The following AKT3 variants were observed in gnomAD, a reference collection of about 807,000 sequenced individuals.
The protein encoded by AKT3 is RAC-gamma serine/threonine-protein kinase.
AKT3 carries 15 observed loss-of-function variants against 65.3 expected under a neutral mutation model. That is an observed-to-expected ratio of 0.23 (90% CI 0.15 to 0.35). The LOEUF is 0.35. Ranked by LOEUF, AKT3 falls within the 10% of genes least tolerant of loss-of-function variation. AKT3 has a pLI of 1.00. For synonymous variants in AKT3, 206 were observed against 183.8 expected (o/e 1.12, Z -0.98); for missense variants, 243 against 576.5 (o/e 0.42, Z 5.92).
chr1:243,648,278 A>G (rs1681002350), intron 4 of AKT3, among the ~76,000 whole-genome samples: 1 of 151,932 alleles, frequency 6.6e-6, no homozygotes, highest in Non-Finnish European at 1.5e-5. Flanking sequence ...AAAGAAAAGA[A>G]AAGAAAAAGA....
At chr1:243,739,175 T>G (rs955587525) in intron 2 of AKT3, among the ~76,000 whole-genome samples, 1 of 152,188 alleles carries the variant, frequency 6.6e-6, no homozygotes, top group Non-Finnish European at 1.5e-5. Context: ...CATGTAATTT[T>G]AAATTTTCTA....
intron 12 of AKT3, among the ~76,000 whole-genome samples, chr1:243,529,237 CT>C (rs1247982663): frequency 7.4e-6 from 1 of 134,876 alleles, no homozygotes; most frequent in African/African-American, 2.8e-5. Flanking sequence ...CAAATATTTT[CT>C]CCCATTCTGC....
At chr1:243,792,615 T>C (rs889620272) in intron 2 of AKT3, among the ~76,000 whole-genome samples, 1 of 152,148 alleles carries the variant, frequency 6.6e-6, no homozygotes, top group African/African-American at 2.4e-5. Context: ...GGAGTAGGAA[T>C]GCTTACAGCT....
intron 2 of AKT3, among the ~76,000 whole-genome samples, chr1:243,807,915 G>A (rs1424663303): frequency 2.0e-5 from 3 of 152,142 alleles, no homozygotes; most frequent in African/African-American, 7.2e-5. Flanking sequence ...TGATACCCAG[G>A]CAAACAGTGT....
intron 2 of AKT3, among the ~76,000 whole-genome samples, chr1:243,828,110 T>A (rs938462144): frequency 2.2e-4 from 34 of 152,072 alleles, no homozygotes; most frequent in Admixed American, 2.0e-3. Flanking sequence ...AGGGCAAGTA[T>A]CCCGACTGTC....
intron 12 of AKT3, among the ~76,000 whole-genome samples, chr1:243,541,383 T>TCTG (rs1300125405): frequency 6.6e-6 from 1 of 152,148 alleles, no homozygotes; most frequent in African/African-American, 2.4e-5. Flanking sequence ...TGTTTCAGCT[T>TCTG]CTGCTACAGG....
At chr1:243,734,887 T>A (rs536606189) in intron 2 of AKT3, 1 of 152,322 alleles carries the variant, frequency 6.6e-6, no homozygotes, top group East Asian at 1.9e-4. Context: ...ATAAGCTTTT[T>A]TCTACTTAAA....
chr1:243,791,949 G>A (rs910745615), intron 2 of AKT3, among the ~76,000 whole-genome samples: 5 of 152,206 alleles, frequency 3.3e-5, no homozygotes, highest in African/African-American at 9.7e-5. Context: ...AGCAAATTTA[G>A]TTAGGTTTAT....
chr1:243,539,894 CAACAGAT>C (rs1314187294), intron 12 of AKT3, among the ~76,000 whole-genome samples: 1 of 152,084 alleles, frequency 6.6e-6, no homozygotes, highest in Non-Finnish European at 1.5e-5. Flanking sequence ...ATCTGAGTAA[CAACAGAT>C]AACCACAACA....
At chr1:243,712,457 T>G (rs1339872108) in intron 2 of AKT3, among the ~76,000 whole-genome samples, 2 of 152,202 alleles carry the variant, frequency 1.3e-5, no homozygotes, top group Non-Finnish European at 2.9e-5. Context: ...TTGGGCAATT[T>G]CTGCTTGATA....
chr1:243,738,053 C>T (rs1000097980), intron 2 of AKT3, among the ~76,000 whole-genome samples: 12 of 152,306 alleles, frequency 7.9e-5, no homozygotes, highest in Admixed American at 5.2e-4. Context: ...AATGACTAGA[C>T]TCTTCACCAA....
chr1:243,544,710 T>TG (rs936136038), intron 12 of AKT3, among the ~76,000 whole-genome samples: 10 of 149,226 alleles, frequency 6.7e-5, no homozygotes, highest in Non-Finnish European at 1.5e-4. Flanking sequence ...TTTTTGTTTT[T>TG]TTTTTTTTTA....
intron 3 of AKT3, among the ~76,000 whole-genome samples, chr1:243,682,666 T>C (rs1684005408): frequency 6.6e-6 from 1 of 152,164 alleles, no homozygotes; most frequent in Non-Finnish European, 1.5e-5. Context: ...TATACAGGGA[T>C]AAGGACATAA....
chr1:243,655,233 A>G (rs950002698), intron 4 of AKT3, among the ~76,000 whole-genome samples: 4 of 152,154 alleles, frequency 2.6e-5, no homozygotes, highest in Non-Finnish European at 4.4e-5. Context: ...GCCATCTGCT[A>G]GAACTCATAA....
At chr1:243,771,651 T>C (rs1370919008) in intron 2 of AKT3, among the ~76,000 whole-genome samples, 6 of 152,186 alleles carry the variant, frequency 3.9e-5, no homozygotes, top group Admixed American at 2.6e-4. Context: ...CAGTCATCTC[T>C]GCTAACAAGG....
chr1:243,781,907 C>T (rs1418354124), intron 2 of AKT3, among the ~76,000 whole-genome samples: 1 of 152,180 alleles, frequency 6.6e-6, no homozygotes, highest in East Asian at 1.9e-4. Flanking sequence ...ACTGCAGCCT[C>T]GACCTTCTGA....
intron 2 of AKT3, among the ~76,000 whole-genome samples, chr1:243,806,624 T>C (rs1257214567): frequency 1.3e-5 from 2 of 152,226 alleles, no homozygotes; most frequent in Non-Finnish European, 2.9e-5. Context: ...CATTGTATTA[T>C]CTAGTGTGAT....
At chr1:243,733,516 T>C (rs1424620350) in intron 2 of AKT3, among the ~76,000 whole-genome samples, 1 of 152,076 alleles carries the variant, frequency 6.6e-6, no homozygotes, top group Non-Finnish European at 1.5e-5. Context: ...AAAAACAATA[T>C]TAAGTGAAAA....
intron 3 of AKT3, among the ~76,000 whole-genome samples, chr1:243,677,012 C>T (rs140072448): frequency 1.3e-3 from 199 of 152,332 alleles, no homozygotes; most frequent in Middle Eastern, 0.01. Context: ...CTTAGCCTGA[C>T]TTTCAAAGCT....
Sources: allele counts gnomAD v4.1 joint callset (sites outside exome capture counted in the v4.1 genomes callset), GRCh38; gene constraint gnomAD v4.1.1; transcripts MANE v1.5; gene names NCBI Gene and HGNC (gene_info 2026-07-23, HGNC 2026-07-21).